The following SH3BGRL2 variants were observed in gnomAD, a reference collection of about 807,000 sequenced individuals.
The protein encoded by SH3BGRL2 is SH3 domain-binding glutamic acid-rich-like protein 2.
In SH3BGRL2, 21 loss-of-function variants were observed where a neutral mutation model predicts 14.8. That is an observed-to-expected ratio of 1.42 (90% CI 1.01 to 2.05). The LOEUF (loss-of-function observed/expected upper bound fraction) is 2.05. SH3BGRL2 is among the 30% of genes most tolerant of loss of function. SH3BGRL2 has a pLI of 0.00. For synonymous variants in SH3BGRL2, 50 were observed against 47.8 expected (o/e 1.05, Z -0.19); for missense variants, 147 against 130.8 (o/e 1.12, Z -0.61).
At chr6:79,586,543 A>G in the SH3BGRL2 span, among the ~76,000 whole-genome samples, 1 of 152,190 alleles carries the variant, frequency 6.6e-6, no homozygotes, top group Non-Finnish European at 1.5e-5. Flanking sequence ...CTGAGATTGT[A>G]AAACAGACTA....
chr6:79,647,647 G>T (rs1186539867), intron 1 of SH3BGRL2, among the ~76,000 whole-genome samples: 1 of 152,106 alleles, frequency 6.6e-6, no homozygotes. Context: ...GGTAAGTCAG[G>T]AAGGCAGGTA....
chr6:79,630,053 C>G (rs976732312), upstream of SH3BGRL2, among the ~76,000 whole-genome samples: 1 of 151,822 alleles, frequency 6.6e-6, no homozygotes, highest in African/African-American at 2.4e-5. Context: ...GTACATTTGC[C>G]GAGAGATACT....
chr6:79,676,639 GTA>G (rs370591320), intron 2 of SH3BGRL2, among the ~76,000 whole-genome samples: 35,689 of 136,850 alleles, frequency 0.26, 4,525 homozygotes, highest in South Asian at 0.41. Context: ...GTGTGTGTGT[GTA>G]TATATATATA....
chr6:79,637,810 A>G (rs1768956311), intron 1 of SH3BGRL2, among the ~76,000 whole-genome samples: 1 of 152,198 alleles, frequency 6.6e-6, no homozygotes, highest in Admixed American at 6.5e-5. Context: ...TGAAATTCTC[A>G]TTGACCCAGT....
At chr6:79,696,609 T>C (rs752967868) in intron 3 of SH3BGRL2, 44 bp downstream of exon 3, 25 of 1,407,624 alleles carry the variant, frequency 1.8e-5, no homozygotes, top group Non-Finnish European at 2.2e-5. Flanking sequence ...TTCATCTCTT[T>C]TGAATTTTTC....
chr6:79,596,056 A>G, the SH3BGRL2 span, among the ~76,000 whole-genome samples: 15 of 152,222 alleles, frequency 9.9e-5, no homozygotes, highest in Non-Finnish European at 1.5e-5. Context: ...AAATTAAACA[A>G]TTCCATTTAA....
At chr6:79,693,527 G>A (rs551897436) in intron 2 of SH3BGRL2, among the ~76,000 whole-genome samples, 15 of 149,566 alleles carry the variant, frequency 1.0e-4, no homozygotes, top group Middle Eastern at 3.4e-3. Context: ...TTTGAGATAC[G>A]TCCCATCAAT....
chr6:79,632,413 A>G (rs1266640638), intron 1 of SH3BGRL2, among the ~76,000 whole-genome samples: 2 of 152,200 alleles, frequency 1.3e-5, no homozygotes, highest in Non-Finnish European at 2.9e-5. Context: ...CCAAGAGTTC[A>G]GCTATAGATT....
the SH3BGRL2 span, among the ~76,000 whole-genome samples, chr6:79,608,134 G>T: frequency 6.6e-6 from 1 of 152,068 alleles, no homozygotes; most frequent in South Asian, 2.1e-4. Flanking sequence ...AACAGGTCTC[G>T]TGAGAACTCA....
chr6:79,553,064 A>G, the SH3BGRL2 span: 3 of 152,288 alleles, frequency 2.0e-5, no homozygotes, highest in African/African-American at 7.2e-5. Flanking sequence ...AGAGTATTCA[A>G]GTTTTAGAAT....
At chr6:79,589,661 T>C in the SH3BGRL2 span, among the ~76,000 whole-genome samples, 1 of 152,210 alleles carries the variant, frequency 6.6e-6, no homozygotes, top group East Asian at 1.9e-4. Context: ...ATGGCCACGC[T>C]AGGTTCAATA....
At position 79,680,935 on chromosome 6, in the gene SH3BGRL2, A is replaced by C. The variant is rs540560900; in HGVS notation, c.231+7136A>C. On this transcript the variant is annotated intron_variant, in intron 2 of 3. Coordinates refer to ENST00000369838, the MANE Select transcript of SH3BGRL2 (RefSeq NM_031469.4). ...ATTTTGTATCCTACAACTTTGCTAAATTTGTTTATTAGTTCTTTTATTTTT... is the reference window on the plus strand; with the variant it reads ...ATTTTGTATCCTACAACTTTGCTAACTTTGTTTATTAGTTCTTTTATTTTT... Among the ~76,000 whole-genome samples the C allele has an allele frequency of 2.0e-5, 3 of 152,280 alleles. No homozygotes were observed. The East Asian group carries it at 5.8e-4, about 29-fold the overall frequency.
chr6:79,628,469 CCTG>C (rs1232167729), upstream of SH3BGRL2, among the ~76,000 whole-genome samples: 1 of 152,062 alleles, frequency 6.6e-6, no homozygotes, highest in African/African-American at 2.4e-5. Context: ...AGCCTAATGA[CCTG>C]CTCAATTTTC....
At chr6:79,543,519 C>A in the SH3BGRL2 span, among the ~76,000 whole-genome samples, 1 of 152,160 alleles carries the variant, frequency 6.6e-6, no homozygotes, top group South Asian at 2.1e-4. Context: ...CTGCCTCTTA[C>A]TAGTTGTGAA....
At chr6:79,651,346 A>G (rs1162701499) in intron 1 of SH3BGRL2, among the ~76,000 whole-genome samples, 1 of 152,208 alleles carries the variant, frequency 6.6e-6, no homozygotes, top group Non-Finnish European at 1.5e-5. Flanking sequence ...GAATCTCATC[A>G]AATAGTGGCA....
chr6:79,660,894 C>G (rs999669192), intron 1 of SH3BGRL2, among the ~76,000 whole-genome samples: 2 of 152,166 alleles, frequency 1.3e-5, no homozygotes, highest in African/African-American at 4.8e-5. Flanking sequence ...AGGAATTTAT[C>G]CATTTCTTCT....
At chr6:79,610,020 T>G in the SH3BGRL2 span, among the ~76,000 whole-genome samples, 3,709 of 152,346 alleles carry the variant, frequency 0.024, 61 homozygotes, top group Middle Eastern at 0.071. Flanking sequence ...GTTTTAGAGA[T>G]ATGCTGCTTG....
chr6:79,640,476 C>G (rs944658906), intron 1 of SH3BGRL2, among the ~76,000 whole-genome samples: 7 of 152,216 alleles, frequency 4.6e-5, no homozygotes, highest in Admixed American at 3.3e-4. Context: ...GGGGCCCCAC[C>G]TCCCTACAAA....
At chr6:79,623,199 A>G in the SH3BGRL2 span, among the ~76,000 whole-genome samples, 1 of 151,978 alleles carries the variant, frequency 6.6e-6, no homozygotes. Flanking sequence ...CCAGCTACTC[A>G]GGAACCTGAG....
Sources: gnomAD v4.1 joint callset for allele counts (sites outside exome capture counted in the v4.1 genomes callset) on GRCh38, gnomAD v4.1.1 for gene constraint, MANE v1.5 for transcripts, NCBI Gene and HGNC (gene_info 2026-07-23, HGNC 2026-07-21) for gene names.